DPYD: variants seen among roughly 807,000 people sequenced by gnomAD.
DPYD encodes the protein dihydropyrimidine dehydrogenase [NADP(+)].
DPYD carries 109 observed loss-of-function variants against 116.2 expected under a neutral mutation model. That is an observed-to-expected ratio of 0.94 (90% confidence interval 0.80 to 1.10). DPYD has a LOEUF of 1.10. DPYD is among the 50% of genes least tolerant of loss of function. The pLI, the probability that DPYD is intolerant of heterozygous loss-of-function variation, is 0.00. For missense variants in DPYD, 1,302 were observed against 1,254.5 expected, an observed-to-expected ratio of 1.04 and a Z score of -0.57; for synonymous variants, 440 against 432.0, an observed-to-expected ratio of 1.02 and a Z score of -0.23.
At chr1:97,569,432 TTTATA>T (rs919921526) in intron 11 of DPYD, among the ~76,000 whole-genome samples, 35 of 147,914 alleles carry the variant, frequency 2.4e-4, no homozygotes, top group South Asian at 4.2e-4. Context: ...TATTCATATA[TTTATA>T]TTATATTTAT....
At chr1:97,844,951 T>TGCA (rs1670219173) in intron 2 of DPYD, among the ~76,000 whole-genome samples, 1 of 152,238 alleles carries the variant, frequency 6.6e-6, no homozygotes, top group African/African-American at 2.4e-5. Context: ...TGCACACATT[T>TGCA]GCAGCAGTGC....
At chr1:97,204,760 A>G (rs1368448127) in intron 19 of DPYD, among the ~76,000 whole-genome samples, 12 of 152,076 alleles carry the variant, frequency 7.9e-5, no homozygotes. Context: ...GCATTCCAAA[A>G]TGCTCCGTCA....
chr1:97,326,976 T>C (rs1307237235), intron 16 of DPYD, among the ~76,000 whole-genome samples: 5 of 152,012 alleles, frequency 3.3e-5, no homozygotes, highest in Admixed American at 6.6e-5. Flanking sequence ...GATAAAGAGA[T>C]TATAAGACAT....
At chr1:97,322,767 C>T (rs374452932) in intron 16 of DPYD, 21 of 151,976 alleles carry the variant, frequency 1.4e-4, no homozygotes, top group African/African-American at 4.8e-4. Context: ...TACAACTATA[C>T]ATGGAAAAAT....
chr1:97,602,715 T>G (rs781181738), intron 8 of DPYD, among the ~76,000 whole-genome samples: 3 of 151,938 alleles, frequency 2.0e-5, no homozygotes, highest in Non-Finnish European at 4.4e-5. Context: ...CATGTCTATA[T>G]TAGGATCTGT....
chr1:97,253,626 C>T (rs1426433991), intron 18 of DPYD, among the ~76,000 whole-genome samples: 5 of 152,024 alleles, frequency 3.3e-5, no homozygotes, highest in East Asian at 1.9e-4. Flanking sequence ...ATTTAAATTC[C>T]GGTTTTGGCA....
chr1:97,819,208 A>G (rs1668790563), intron 3 of DPYD, among the ~76,000 whole-genome samples: 1 of 152,030 alleles, frequency 6.6e-6, no homozygotes, highest in African/African-American at 2.4e-5. Context: ...TGTGCATAGA[A>G]GACAAGAGAA....
At position 97,515,839 on chromosome 1, in the gene DPYD, T is replaced by C. The variant is rs1801159; in HGVS notation, c.1627A>G (p.Ile543Val). The change falls in exon 13 of 23, where the codon ATA (isoleucine) becomes GTA (valine). Residue 543 changes from isoleucine (I) to valine (V), a missense_variant. Transcript: ENST00000370192. Reference sequence around the variant, plus strand: ...GCGCTAGCAAGACCAAAAGGATTTATAAACTTCAATCCGGCCATTTCTACA... The same window carrying C: ...GCGCTAGCAAGACCAAAAGGATTTACAAACTTCAATCCGGCCATTTCTACA... ...ISVEMAGLKF[I>V]NPFGLASATP... 0.19 allele frequency: 314,000 copies of C among 1,612,714 alleles called. 31,976 individuals are homozygous for C. The highest frequency in any genetic ancestry group is 0.28 in the Admixed American group (16,719 of 59,814).
At chr1:97,471,802 C>T (rs949537960) in intron 13 of DPYD, among the ~76,000 whole-genome samples, 3 of 152,048 alleles carry the variant, frequency 2.0e-5, no homozygotes, top group African/African-American at 7.2e-5. Flanking sequence ...GTTGGCCACC[C>T]TGGTCTCAAA....
intron 14 of DPYD, among the ~76,000 whole-genome samples, chr1:97,419,407 C>T (rs1674456650): frequency 6.6e-6 from 1 of 152,134 alleles, no homozygotes; most frequent in Admixed American, 6.5e-5. Context: ...ATTACCAGGT[C>T]CTCTAGACCT....
intron 20 of DPYD, among the ~76,000 whole-genome samples, chr1:97,137,106 G>T (rs1295504529): frequency 6.6e-6 from 1 of 152,220 alleles, no homozygotes; most frequent in African/African-American, 2.4e-5. Flanking sequence ...TTCATCGGCT[G>T]GTGCTGTGGT....
At chr1:97,753,037 A>G (rs192418985) in intron 3 of DPYD, among the ~76,000 whole-genome samples, 1 of 152,334 alleles carries the variant, frequency 6.6e-6, no homozygotes, top group Non-Finnish European at 1.5e-5. Context: ...TTTATAATTT[A>G]AACATTATAT....
intron 16 of DPYD, among the ~76,000 whole-genome samples, chr1:97,371,327 G>C (rs150914298): frequency 6.6e-6 from 1 of 152,328 alleles, no homozygotes; most frequent in East Asian, 1.9e-4. Context: ...CTCTGACCAT[G>C]CATGCAGCTC....
At chr1:97,325,507 C>T (rs568237735) in intron 16 of DPYD, among the ~76,000 whole-genome samples, 17 of 152,122 alleles carry the variant, frequency 1.1e-4, no homozygotes, top group African/African-American at 4.1e-4. Context: ...AACTATCCTG[C>T]CTCTAACCAT....
chr1:97,838,303 T>C (rs982030398), intron 2 of DPYD, among the ~76,000 whole-genome samples: 3 of 152,192 alleles, frequency 2.0e-5, no homozygotes, highest in Non-Finnish European at 4.4e-5. Context: ...TCAGGTTTAT[T>C]ATATAAACCA....
At chr1:97,612,353 C>T (rs964820734) in intron 8 of DPYD, among the ~76,000 whole-genome samples, 3 of 151,918 alleles carry the variant, frequency 2.0e-5, no homozygotes, top group African/African-American at 7.2e-5. Context: ...GGCTTTTAAT[C>T]TTTTCACACA....
intron 12 of DPYD, among the ~76,000 whole-genome samples, chr1:97,529,199 C>G (rs138449869): frequency 1.3e-5 from 2 of 152,256 alleles, no homozygotes; most frequent in East Asian, 3.9e-4. Context: ...CACCAATGAG[C>G]CAAGTGAACT....
In DPYD at chr1:97,337,401, CT is replaced by C. The variant is rs1292772320; in HGVS notation, c.2059-31105del. 2.0e-5 allele frequency among the ~76,000 whole-genome samples: 3 copies of C among 152,230 alleles called. No homozygotes were observed. In the East Asian group the frequency reaches 5.8e-4, roughly 29 times the overall value. ...AATTCCTCAGGACTCTATCAAATAC[CT>C]CGTGTTATGCTTCCTGTCCAAACGA... On this transcript the variant is annotated intron_variant, in intron 16 of 22. Transcript: ENST00000370192.
chr1:97,845,822 C>T (rs929910147), intron 2 of DPYD, among the ~76,000 whole-genome samples: 16 of 152,262 alleles, frequency 1.1e-4, no homozygotes, highest in Admixed American at 5.2e-4. Flanking sequence ...TCCAAGCTTC[C>T]GGGCACCATC....
Sources: gnomAD v4.1 joint callset for allele counts (sites outside exome capture counted in the v4.1 genomes callset) on GRCh38, gnomAD v4.1.1 for gene constraint, MANE v1.5 for transcripts, NCBI Gene and HGNC (gene_info 2026-07-23, HGNC 2026-07-21) for gene names.